MSI1: variants seen among roughly 807,000 people sequenced by gnomAD.
MSI1 encodes the protein RNA-binding protein Musashi homolog 1.
MSI1 carries 15 observed loss-of-function variants against 54.4 expected under a neutral mutation model. That is an observed-to-expected ratio of 0.28 (90% CI 0.18 to 0.42). The LOEUF (loss-of-function observed/expected upper bound fraction) is 0.42. Among genes scored for constraint, MSI1 ranks in the 20% least tolerant of loss-of-function variants. The pLI, the probability that MSI1 is intolerant of heterozygous loss-of-function variation, is 1.00. For synonymous variants in MSI1, 200 were observed against 196.5 expected, an observed-to-expected ratio of 1.02 and a Z score of -0.15; for missense variants, 304 against 506.0, an observed-to-expected ratio of 0.60 and a Z score of 3.83.
At position 120,341,718 on chromosome 12, in the gene MSI1, T is replaced by C. The variant is rs1873681523; in HGVS notation, c.*1409A>G. On this transcript the variant is annotated 3_prime_UTR_variant, in exon 15 of 15. Transcript: ENST00000257552. ...CAGTAACAAAGATTATTGCTTTGTG[T>C]TCTCAGGGCTGATAGGTTAAGCACC... 1 of 151,588 alleles carries C rather than the reference T, an allele frequency of 6.6e-6. No individual in the cohort carries two copies. The highest frequency in any genetic ancestry group is 2.4e-5 in the African/African-American group (1 of 41,100). 9.4% of individuals were successfully genotyped at this position (151,588 alleles called of 1,614,324 possible).
intron 6 of MSI1, among the ~76,000 whole-genome samples, chr12:120,361,704 C>T (rs1233000725): frequency 6.6e-6 from 1 of 150,742 alleles, no homozygotes; most frequent in Non-Finnish European, 1.5e-5. Flanking sequence ...CCCCCCTCGG[C>T]GGCGGCCCCT....
chr12:120,363,186 G>T, intron 5 of MSI1, 51 bp from the exon 6 acceptor site: 1 of 1,518,196 alleles, frequency 6.6e-7, no homozygotes, highest in Non-Finnish European at 9.1e-7. Context: ...GTGGCCTACC[G>T]CCACCAGCAG....
chr12:120,348,254 G>GC lies in MSI1; in HGVS notation c.791-741dup, dbSNP rs987135371. Among the ~76,000 whole-genome samples, 166 of 152,306 alleles carry GC rather than the reference G, an allele frequency of 1.1e-3. 1 individual carries two copies. Among genetic ancestry groups the GC allele is most frequent in the African/African-American group, 3.6e-3 (151 of 41,566 alleles). ...CCACCTCTGCAGCACCTAGCACCTT[G>GC]CCTTGTACACGGCAGGTGCTTAATA... On this transcript the variant is annotated intron_variant, in intron 11 of 14. Transcript: ENST00000257552.
At position 120,346,127 on chromosome 12, in the gene MSI1, C is replaced by T. The variant is rs766543063; in HGVS notation, c.1047+8G>A. On this transcript the variant is annotated splice_region_variant and intron_variant, in intron 13 of 14. Coordinates refer to ENST00000257552, the MANE Select transcript of MSI1 (RefSeq NM_002442.4). ...GTGAGGTGGGGGCCGCTAGGCCTGG[C>T]CACTCACCCCAAGACTGTGGCCGAA... 3.9e-6 allele frequency: 6 copies of T among 1,541,984 alleles called. No homozygotes were observed. In the African/African-American group the frequency reaches 6.8e-5, roughly 18 times the overall value.
At chr12:120,349,528 C>G (rs1432101589) in intron 11 of MSI1, among the ~76,000 whole-genome samples, 1 of 152,228 alleles carries the variant, frequency 6.6e-6, no homozygotes, top group African/African-American at 2.4e-5. Context: ...GCCACCACCC[C>G]CGGCCTGTTT....
Position 120,368,867 on chromosome 12 carries a change from C to A in MSI1, c.66G>T (p.Met22Ile). The change falls in exon 2 of 15, where the codon ATG (methionine) becomes ATT (isoleucine). Residue 22 changes from methionine to isoleucine, a missense_variant. By Grantham distance (10) the Met-to-Ile change is conservative. Coordinates refer to ENST00000257552, the MANE Select transcript of MSI1 (RefSeq NM_002442.4). The surrounding 1 kb of genome is among the most constrained non-coding windows in gnomAD (Gnocchi z 6.6). ...SPDSPHDPCK[M>I]FIGGLSWQTT... is the part of the protein sequence containing the mutation. The stretch of plus-strand genomic sequence containing the variant: ...TCTGCCAACTGAGTCCCCCGATGAA[C>A]ATCTTGCTGCGGGAGGAGGAGAGAC... 1 of 1,471,670 alleles carries A rather than the reference C, an allele frequency of 6.8e-7. No homozygotes were observed. 91.2% of individuals were successfully genotyped at this position (1,471,670 alleles called of 1,614,324 possible).
chr12:120,357,246 G>A (rs1310565118), intron 8 of MSI1, among the ~76,000 whole-genome samples: 2 of 152,186 alleles, frequency 1.3e-5, no homozygotes, highest in African/African-American at 4.8e-5. Context: ...CTATGATGGA[G>A]GAGCTTTTCC....
At chr12:120,353,184 C>T (rs895675743) in intron 10 of MSI1, 115 bp downstream of exon 10, 5 of 1,020,224 alleles carry the variant, frequency 4.9e-6, no homozygotes, top group Non-Finnish European at 7.5e-6. Flanking sequence ...CCCTTCCTTC[C>T]AAGCCTCCAG....
chr12:120,360,528 C>T (rs963355707), intron 6 of MSI1, among the ~76,000 whole-genome samples: 4 of 152,176 alleles, frequency 2.6e-5, no homozygotes, highest in Non-Finnish European at 5.9e-5. Flanking sequence ...TCCTATGGAC[C>T]CACTCTGAGT....
At chr12:120,364,691 C>T (rs1875908426) in intron 5 of MSI1, 23 bp downstream of exon 5, 1 of 1,574,900 alleles carries the variant, frequency 6.3e-7, no homozygotes, top group Non-Finnish European at 8.6e-7. Context: ...AAGAGAGCTC[C>T]TCCCAGACAT....
In MSI1 at chr12:120,364,389, G is replaced by A. The variant is rs374955953; in HGVS notation, c.309+325C>T. On this transcript the variant is annotated intron_variant, in intron 5 of 14. Transcript: ENST00000257552. The stretch of plus-strand genomic sequence containing the variant: ...TTCCAGAGGCCTGGACATCAAGGCT[G>A]TGGTCTATGATGTTGGAATTAGACT... Among the ~76,000 whole-genome samples, 142 of 152,220 alleles carry A rather than the reference G, an allele frequency of 9.3e-4. 3 individuals are homozygous for A. The South Asian group carries it at 0.027, about 29-fold the overall frequency.
chr12:120,354,494 T>C (rs980924230), intron 9 of MSI1, among the ~76,000 whole-genome samples: 13 of 152,064 alleles, frequency 8.5e-5, no homozygotes, highest in Non-Finnish European at 1.5e-4. Flanking sequence ...TGCAATGGCA[T>C]GATCTCGGCT....
intron 11 of MSI1, among the ~76,000 whole-genome samples, chr12:120,350,195 TTTA>T (rs1213112896): frequency 6.6e-6 from 1 of 152,192 alleles, no homozygotes; most frequent in East Asian, 1.9e-4. Context: ...TGGCTAGTTT[TTTA>T]TTTTTTTTAG....
Position 120,346,024 on chromosome 12 carries a change from C to T in MSI1, c.1047+111G>A, listed in dbSNP as rs888565845. ...TTAGTGATCTTTCTCCATTCATCCT[C>T]CCTCACCCTCCTTTTGCCCCCAGAG... is the stretch of plus-strand genomic sequence containing the variant. On this transcript the variant is annotated intron_variant, in intron 13 of 14. Transcript: ENST00000257552. The T allele has an allele frequency of 7.2e-6, 7 of 978,552 alleles. No homozygotes were observed. The African/African-American group carries it at 9.9e-5, about 14-fold the overall frequency. 60.6% of individuals were successfully genotyped at this position (978,552 alleles called of 1,614,324 possible).
At chr12:120,364,907 G>A (rs1875922035) in intron 4 of MSI1, 152 bp from the exon 5 acceptor site, 2 of 607,466 alleles carry the variant, frequency 3.3e-6, no homozygotes, top group African/African-American at 3.8e-5. Context: ...TAGTGGTTAA[G>A]CATTTATTTT....
intron 7 of MSI1, among the ~76,000 whole-genome samples, chr12:120,358,119 T>A (rs1322010584): frequency 5.3e-5 from 8 of 152,184 alleles, no homozygotes; most frequent in Admixed American, 5.2e-4. Context: ...GTGAAGTAAC[T>A]TGCCCAAGGT....
chr12:120,363,342 C>T (rs959371492), intron 5 of MSI1, among the ~76,000 whole-genome samples: 4 of 148,722 alleles, frequency 2.7e-5, no homozygotes, highest in African/African-American at 5.0e-5. Flanking sequence ...CTGGCTGGCT[C>T]GAGTGTGCCT....
Position 120,368,714 on chromosome 12 carries a change from A to T in MSI1, c.100+119T>A. 2.2e-6 allele frequency: 2 copies of T among 908,056 alleles called. No individual in the cohort carries two copies. Among genetic ancestry groups the T allele is most frequent in the Non-Finnish European group, 2.9e-6 (2 of 701,056 alleles). 56.2% of individuals were successfully genotyped at this position (908,056 alleles called of 1,614,324 possible). A position where few individuals can be genotyped will look rare whatever the true frequency, so the allele number is the denominator to read the frequency against. Reference sequence around the variant, plus strand: ...GGGGTCTCCGGGCGGGGCGCGAAAGAGGGCGCGAGGGCGCCCGGGGTCAGC... The same window carrying T: ...GGGGTCTCCGGGCGGGGCGCGAAAGTGGGCGCGAGGGCGCCCGGGGTCAGC... On this transcript the variant is annotated intron_variant, in intron 2 of 14. Transcript: ENST00000257552. The surrounding 1 kb of genome is among the most constrained non-coding windows in gnomAD (Gnocchi z 6.6).
chr12:120,361,701 CG>C (rs1490854768), intron 6 of MSI1, among the ~76,000 whole-genome samples: 4 of 150,852 alleles, frequency 2.7e-5, no homozygotes, highest in African/African-American at 9.7e-5. Flanking sequence ...GTTCCCCCCT[CG>C]GCGGCGGCCC....
Sources: allele counts gnomAD v4.1 joint callset (sites outside exome capture counted in the v4.1 genomes callset), GRCh38; gene constraint gnomAD v4.1.1; non-coding constraint Gnocchi (gnomAD v3.1); transcripts MANE v1.5; gene names NCBI Gene and HGNC (gene_info 2026-07-23, HGNC 2026-07-21).